The following CFAP418 variants were observed in gnomAD, a reference collection of about 807,000 sequenced individuals.
The protein encoded by CFAP418 is cilia and flagella associated protein 418, also known as cilia- and flagella-associated protein 418.
CFAP418 carries 27 observed loss-of-function variants against 24.7 expected under a neutral mutation model. That is an observed-to-expected ratio of 1.09 (90% CI 0.81 to 1.51). The LOEUF (loss-of-function observed/expected upper bound fraction) is 1.51, where lower values mean the gene tolerates loss of function less well. Among genes scored for constraint, CFAP418 ranks in the 40% most tolerant of loss-of-function variants. The probability of loss-of-function intolerance (pLI) is 0.00; values close to 1 mark genes in which losing one functional copy is unlikely to be tolerated. For missense variants in CFAP418, 257 were observed against 255.2 expected (o/e 1.01, Z -0.05); for synonymous variants, 74 against 87.3 (o/e 0.85, Z 0.85).
chr8:95,269,065 C>G lies in CFAP418; in HGVS notation c.125G>C (p.Arg42Pro). ...CGTCTCTTTCGCCTTGGCTTGGTTC[C>G]GGTCGCTACTGTGGGTGCCGCCGCC... ...GCGGGTHSSDRNQAKAKETLR... is the reference protein window; with the variant it reads ...GCGGGTHSSDPNQAKAKETLR... Residue 42 changes from arginine (R) to proline (P), a missense_variant, in exon 1 of 6, where the codon CGG becomes CCG. Transcript: ENST00000286688. 6.2e-7 allele frequency: 1 copy of G among 1,614,180 alleles called. No homozygotes were observed. The highest frequency in any genetic ancestry group is 8.5e-7 in the Non-Finnish European group (1 of 1,180,012).
chr8:95,262,847 T>A (rs1811914791), intron 2 of CFAP418, among the ~76,000 whole-genome samples: 1 of 152,062 alleles, frequency 6.6e-6, no homozygotes, highest in Non-Finnish European at 1.5e-5. Context: ...TTTGTATGCC[T>A]TTTCTCCGAT....
At chr8:95,259,290 T>C (rs1037799479) in intron 4 of CFAP418, among the ~76,000 whole-genome samples, 2 of 152,136 alleles carry the variant, frequency 1.3e-5, no homozygotes, top group African/African-American at 4.8e-5. Context: ...ATGGGGCTAA[T>C]ATGGGTTTGG....
Position 95,247,515 on chromosome 8 carries a change from C to T in CFAP418, c.*102G>A. The T allele has an allele frequency of 7.2e-7, 1 of 1,387,298 alleles. No homozygotes were observed. The highest frequency in any genetic ancestry group is 1.2e-5 in the South Asian group (1 of 80,842). The allele number at this position is 1,387,298 out of a possible 1,614,324, so 85.9% of individuals were successfully genotyped here. Reference sequence around the variant, plus strand: ...GTATCAATAAAATTCACTGCCTTTTCCCACAGGGAATGGTATTGCTAGGGA... The same window carrying T: ...GTATCAATAAAATTCACTGCCTTTTTCCACAGGGAATGGTATTGCTAGGGA... On this transcript the variant is annotated 3_prime_UTR_variant, in exon 6 of 6. Coordinates refer to ENST00000286688, the MANE Select transcript of CFAP418 (RefSeq NM_177965.4).
At chr8:95,251,738 C>A (rs1371726263) in intron 5 of CFAP418, among the ~76,000 whole-genome samples, 1 of 152,128 alleles carries the variant, frequency 6.6e-6, no homozygotes, top group East Asian at 1.9e-4. Flanking sequence ...GACAGAAACA[C>A]AGTCATGCAT....
chr8:95,250,185 G>T (rs905632500), intron 5 of CFAP418, among the ~76,000 whole-genome samples: 4 of 152,122 alleles, frequency 2.6e-5, no homozygotes, highest in Admixed American at 2.0e-4. Flanking sequence ...ATATCCTAAT[G>T]GTGGAGACCG....
At chr8:95,263,184 G>C (rs1811922307) in intron 2 of CFAP418, among the ~76,000 whole-genome samples, 1 of 152,088 alleles carries the variant, frequency 6.6e-6, no homozygotes, top group African/African-American at 2.4e-5. Context: ...TAATATGGGT[G>C]GCTGTCATGG....
At chr8:95,250,552 T>G (rs1195786159) in intron 5 of CFAP418, among the ~76,000 whole-genome samples, 1 of 152,216 alleles carries the variant, frequency 6.6e-6, no homozygotes, top group Admixed American at 6.5e-5. Flanking sequence ...TTCATCTTGG[T>G]GACATATGGG....
chr8:95,246,562 T>C lies in CFAP418; in HGVS notation c.*1055A>G, dbSNP rs939864694. ...ATATAGTACATATGTAGCAGGGAGT[T>C]TGTGGCAGATTGGAAAGCTCCCAAA... On this transcript the variant is annotated 3_prime_UTR_variant, in exon 6 of 6. Transcript: ENST00000286688. The C allele has an allele frequency of 2.0e-5, 3 of 152,138 alleles. No individual in the cohort carries two copies. The highest frequency in any genetic ancestry group is 7.2e-5 in the African/African-American group (3 of 41,430). 9.4% of individuals were successfully genotyped at this position (152,138 alleles called of 1,614,324 possible).
chr8:95,254,229 C>G (rs75486805), intron 4 of CFAP418, among the ~76,000 whole-genome samples: 1,581 of 152,306 alleles, frequency 0.01, 32 homozygotes, highest in African/African-American at 0.035. Context: ...ATCTGTAGTA[C>G]TTATTACTGC....
intron 5 of CFAP418, among the ~76,000 whole-genome samples, chr8:95,250,948 C>T (rs1811696653): frequency 6.6e-6 from 1 of 152,128 alleles, no homozygotes; most frequent in Non-Finnish European, 1.5e-5. Context: ...AGGGGAAAGT[C>T]TCTTACCCTT....
chr8:95,268,746 C>A (rs1462068691), intron 1 of CFAP418: 3 of 161,350 alleles, frequency 1.9e-5, no homozygotes, highest in African/African-American at 3.5e-5. Context: ...GGACTGCGGG[C>A]TCTGCGGGCG....
chr8:95,257,400 C>T (rs928993335), intron 4 of CFAP418, among the ~76,000 whole-genome samples: 2 of 152,158 alleles, frequency 1.3e-5, no homozygotes, highest in African/African-American at 4.8e-5. Flanking sequence ...CCTGGTGTTC[C>T]CATATAAGGC....
At chr8:95,261,616 T>G (rs74854379) in intron 2 of CFAP418, among the ~76,000 whole-genome samples, 1 of 150,258 alleles carries the variant, frequency 6.7e-6, no homozygotes, top group Non-Finnish European at 1.5e-5. Context: ...TTAATACATG[T>G]TTTTTTTTCC....
At chr8:95,256,165 T>C (rs1811786204) in intron 4 of CFAP418, among the ~76,000 whole-genome samples, 1 of 151,964 alleles carries the variant, frequency 6.6e-6, no homozygotes, top group African/African-American at 2.4e-5. Flanking sequence ...GTACAAAATA[T>C]TTCATACATA....
intron 1 of CFAP418, among the ~76,000 whole-genome samples, chr8:95,265,407 C>T (rs1274015810): frequency 6.6e-6 from 1 of 152,094 alleles, no homozygotes; most frequent in Admixed American, 6.6e-5. Flanking sequence ...CTACTTCTGG[C>T]CTCTAATCCC....
chr8:95,253,119 C>A (rs1811734003), intron 4 of CFAP418, among the ~76,000 whole-genome samples: 1 of 152,066 alleles, frequency 6.6e-6, no homozygotes, highest in South Asian at 2.1e-4. Context: ...ACCATCCTGG[C>A]TAACACAGTG....
At chr8:95,266,108 T>C (rs1197125135) in intron 1 of CFAP418, among the ~76,000 whole-genome samples, 2 of 152,232 alleles carry the variant, frequency 1.3e-5, no homozygotes, top group South Asian at 2.1e-4. Context: ...TAACTAAGCA[T>C]TGATTTGGTC....
chr8:95,260,939 C>T (rs571029950), intron 2 of CFAP418, among the ~76,000 whole-genome samples: 9 of 152,180 alleles, frequency 5.9e-5, no homozygotes, highest in South Asian at 4.1e-4. Context: ...TGTGAATGTG[C>T]GTCATATGAA....
In CFAP418 at chr8:95,247,454, C is replaced by T. The variant is rs1811639833; in HGVS notation, c.*163G>A. 1.3e-5 allele frequency: 9 copies of T among 701,870 alleles called. No individual in the cohort carries two copies. Among genetic ancestry groups the T allele is most frequent in the Non-Finnish European group, 1.7e-5 (7 of 421,376 alleles). The allele number at this position is 701,870 out of a possible 1,614,324, so 43.5% of individuals were successfully genotyped here. A position where few individuals can be genotyped will look rare whatever the true frequency, so the allele number is the denominator to read the frequency against. On this transcript the variant is annotated 3_prime_UTR_variant, in exon 6 of 6. Transcript: ENST00000286688. ...CCAAAGTGTTATAATACATGATCTT[C>T]CTTAGTCCATTTGGTCTTCAAAAAT...
Sources: gnomAD v4.1 joint callset for allele counts (sites outside exome capture counted in the v4.1 genomes callset) on GRCh38, gnomAD v4.1.1 for gene constraint, MANE v1.5 for transcripts, NCBI Gene and HGNC (gene_info 2026-07-23, HGNC 2026-07-21) for gene names.